The following TRIQK variants were observed in gnomAD, a reference collection of about 807,000 sequenced individuals.
TRIQK encodes the protein triple QxxK/R motif-containing protein.
TRIQK carries 10 observed loss-of-function variants against 10.8 expected under a neutral mutation model. The ratio of observed to expected loss-of-function variants is 0.92; its 90% confidence interval spans 0.57 to 1.57. The LOEUF is 1.57. Ranked by LOEUF, TRIQK falls within the 40% of genes most tolerant of loss-of-function variation. The pLI is 0.00. For missense variants in TRIQK, 107 were observed against 97.7 expected (o/e 1.09, Z -0.40); for synonymous variants, 33 against 33.7 (o/e 0.98, Z 0.07).
intron 1 of TRIQK, among the ~76,000 whole-genome samples, chr8:92,979,870 T>G (rs913149913): frequency 6.6e-6 from 1 of 152,096 alleles, no homozygotes; most frequent in African/African-American, 2.4e-5. Context: ...TTTGAAGTCA[T>G]GTAGCAATAA....
Position 92,886,575 on chromosome 8 carries a change from G to C in TRIQK, c.*47C>G. The C allele has an allele frequency of 1.6e-6, 2 of 1,217,074 alleles. No individual in the cohort carries two copies. The highest frequency in any genetic ancestry group is 2.3e-6 in the Non-Finnish European group (2 of 885,632). 75.4% of individuals were successfully genotyped at this position (1,217,074 alleles called of 1,614,324 possible). On this transcript the variant is annotated 3_prime_UTR_variant, in exon 5 of 5. Coordinates refer to ENST00000521988, the MANE Select transcript of TRIQK (RefSeq NM_001171797.2). ...GTATTGAAAGTTTTGGTCCCAAAAGGTGCTTTCGTAAAGTTATTTCTCTTT... is the reference window on the plus strand; with the variant it reads ...GTATTGAAAGTTTTGGTCCCAAAAGCTGCTTTCGTAAAGTTATTTCTCTTT...
chr8:92,905,691 T>C (rs2130376034), intron 3 of TRIQK, among the ~76,000 whole-genome samples: 2 of 152,310 alleles, frequency 1.3e-5, no homozygotes, highest in South Asian at 2.1e-4. Context: ...CTGTGACAGA[T>C]ACTCTATCTC....
intron 2 of TRIQK, among the ~76,000 whole-genome samples, chr8:92,941,979 T>G (rs1030882712): frequency 6.6e-6 from 1 of 152,204 alleles, no homozygotes; most frequent in African/African-American, 2.4e-5. Context: ...AGCTTCCCTG[T>G]TGAATTCTAC....
chr8:93,017,171 G>A (rs1164534258), intron 1 of TRIQK, among the ~76,000 whole-genome samples: 1 of 125,274 alleles, frequency 8.0e-6, no homozygotes. Flanking sequence ...GAGAGAGATG[G>A]ACCAGAAGAA....
chr8:92,945,866 A>C (rs1811503111), intron 2 of TRIQK, among the ~76,000 whole-genome samples: 1 of 152,134 alleles, frequency 6.6e-6, no homozygotes, highest in African/African-American at 2.4e-5. Flanking sequence ...AATTAAAAAT[A>C]GAAGCAAAGA....
At chr8:92,999,679 A>G (rs967192772) in intron 1 of TRIQK, among the ~76,000 whole-genome samples, 13 of 152,166 alleles carry the variant, frequency 8.5e-5, no homozygotes, top group African/African-American at 3.1e-4. Context: ...GTTGCCTCTG[A>G]GTGTTAAAGT....
At chr8:92,920,599 A>G (rs1252949137) in intron 2 of TRIQK, among the ~76,000 whole-genome samples, 2 of 151,682 alleles carry the variant, frequency 1.3e-5, no homozygotes, top group East Asian at 3.9e-4. Context: ...ACCTGAGCCT[A>G]TTATTTCAGA....
chr8:92,958,884 C>T (rs961434839), intron 1 of TRIQK, among the ~76,000 whole-genome samples: 2 of 151,994 alleles, frequency 1.3e-5, no homozygotes, highest in African/African-American at 2.4e-5. Flanking sequence ...ATGAAAGTGC[C>T]TCATGTGCAC....
intron 1 of TRIQK, among the ~76,000 whole-genome samples, chr8:92,987,015 G>A (rs1363404887): frequency 6.6e-6 from 1 of 152,154 alleles, no homozygotes; most frequent in East Asian, 1.9e-4. Context: ...AGGAATAAAT[G>A]AAATGGTCAG....
chr8:92,927,745 A>G (rs1351882924), intron 2 of TRIQK, among the ~76,000 whole-genome samples: 1 of 152,172 alleles, frequency 6.6e-6, no homozygotes, highest in African/African-American at 2.4e-5. Context: ...AGAAAGACTG[A>G]GAAGGGACCT....
upstream of TRIQK, among the ~76,000 whole-genome samples, chr8:92,968,177 A>G (rs1812836619): frequency 1.3e-5 from 2 of 152,156 alleles, no homozygotes; most frequent in Admixed American, 6.6e-5. Flanking sequence ...TATATGTGCC[A>G]CATTTTCTTT....
intron 1 of TRIQK, among the ~76,000 whole-genome samples, chr8:92,980,054 A>G (rs1454149443): frequency 6.6e-6 from 1 of 152,084 alleles, no homozygotes; most frequent in Non-Finnish European, 1.5e-5. Context: ...AAGATTTATA[A>G]TGTCTCACCA....
chr8:92,982,335 A>G (rs999550055), intron 1 of TRIQK, among the ~76,000 whole-genome samples: 1 of 152,012 alleles, frequency 6.6e-6, no homozygotes, highest in Non-Finnish European at 1.5e-5. Context: ...AGTAGTGTAT[A>G]TTCCTTGAAT....
intron 2 of TRIQK, among the ~76,000 whole-genome samples, chr8:92,923,832 T>G (rs900722271): frequency 6.6e-6 from 1 of 151,952 alleles, no homozygotes; most frequent in Non-Finnish European, 1.5e-5. Context: ...AAAAGTAGTA[T>G]TATATTCAAT....
At chr8:92,994,012 G>A (rs910747651) in intron 1 of TRIQK, among the ~76,000 whole-genome samples, 5 of 152,126 alleles carry the variant, frequency 3.3e-5, no homozygotes, top group Non-Finnish European at 7.4e-5. Flanking sequence ...GAACCAGAAA[G>A]GAACCACAAA....
chr8:92,914,750 G>A (rs929827785), intron 3 of TRIQK, among the ~76,000 whole-genome samples: 1 of 152,028 alleles, frequency 6.6e-6, no homozygotes, highest in African/African-American at 2.4e-5. Context: ...ATGTTAGTGA[G>A]GATACAGAAA....
At chr8:92,962,762 A>T (rs1812524486) in intron 1 of TRIQK, among the ~76,000 whole-genome samples, 1 of 152,066 alleles carries the variant, frequency 6.6e-6, no homozygotes, top group African/African-American at 2.4e-5. Flanking sequence ...AGCACTGGAG[A>T]TTTTCCATCT....
At chr8:93,002,955 AG>A (rs1338232401) in intron 1 of TRIQK, among the ~76,000 whole-genome samples, 4 of 151,968 alleles carry the variant, frequency 2.6e-5, no homozygotes, top group African/African-American at 9.7e-5. Context: ...TGAAAAGAAG[AG>A]AATACTTCCA....
chr8:92,965,954 CG>C (rs1427683601), intron 1 of TRIQK, 52 bp downstream of exon 1: 1 of 152,616 alleles, frequency 6.6e-6, no homozygotes, highest in East Asian at 1.9e-4. Flanking sequence ...TCCCGGACCC[CG>C]AGCTTCCCGG....
Sources: gnomAD v4.1 joint callset for allele counts (sites outside exome capture counted in the v4.1 genomes callset) on GRCh38, gnomAD v4.1.1 for gene constraint, MANE v1.5 for transcripts, NCBI Gene and HGNC (gene_info 2026-07-23, HGNC 2026-07-21) for gene names.